Variants in CCDC171 observed in about 807,000 individuals in gnomAD.
The protein encoded by CCDC171 is coiled-coil domain containing 171.
In CCDC171, 177 loss-of-function variants were observed where a neutral mutation model predicts 168.2. The ratio of observed to expected loss-of-function variants is 1.05; its 90% CI spans 0.93 to 1.19. The LOEUF (loss-of-function observed/expected upper bound fraction) is 1.19, where lower values mean the gene tolerates loss of function less well. Ranked by LOEUF, CCDC171 falls within the 50% of genes most tolerant of loss-of-function variation. The pLI is 0.00. For missense variants in CCDC171, 1,991 were observed against 1,539.0 expected, an observed-to-expected ratio of 1.29 and a Z score of -4.91; for synonymous variants, 687 against 540.8, an observed-to-expected ratio of 1.27 and a Z score of -3.75.
At chr9:15,907,970 A>G (rs1183862848) in intron 24 of CCDC171, among the ~76,000 whole-genome samples, 1 of 152,092 alleles carries the variant, frequency 6.6e-6, no homozygotes, top group Non-Finnish European at 1.5e-5. Context: ...ATCTCACACC[A>G]TTTAGAATGG....
intron 23 of CCDC171, among the ~76,000 whole-genome samples, chr9:15,862,474 T>C (rs775554928): frequency 6.6e-6 from 1 of 152,084 alleles, no homozygotes; most frequent in Non-Finnish European, 1.5e-5. Context: ...ATCGATCATT[T>C]TTATGACAGT....
intron 7 of CCDC171, among the ~76,000 whole-genome samples, chr9:15,628,778 C>A (rs1261944238): frequency 6.6e-6 from 1 of 152,192 alleles, no homozygotes; most frequent in Non-Finnish European, 1.5e-5. Context: ...GGGAGGCACC[C>A]CCCAGTAGAG....
chr9:15,835,380 A>G (rs1377068097), intron 21 of CCDC171, among the ~76,000 whole-genome samples: 1 of 152,182 alleles, frequency 6.6e-6, no homozygotes, highest in Admixed American at 6.5e-5. Flanking sequence ...TCCTGTGTCT[A>G]AATTTAAGAT....
intron 23 of CCDC171, among the ~76,000 whole-genome samples, chr9:15,872,403 T>C (rs542138386): frequency 1.1e-4 from 16 of 152,152 alleles, no homozygotes; most frequent in African/African-American, 2.9e-4. Flanking sequence ...ATGTCAAGCT[T>C]CGTGGATGAA....
intron 4 of CCDC171, among the ~76,000 whole-genome samples, chr9:15,590,537 G>A (rs2041899821): frequency 6.6e-6 from 1 of 152,176 alleles, no homozygotes. Context: ...GTTGGTTATT[G>A]TTGAGGTAAT....
intron 10 of CCDC171, among the ~76,000 whole-genome samples, chr9:15,681,774 C>A (rs1044059862): frequency 6.6e-6 from 1 of 152,066 alleles, no homozygotes; most frequent in Non-Finnish European, 1.5e-5. Context: ...GTTCTGCATT[C>A]ACAGTCTGGC....
the CCDC171 span, among the ~76,000 whole-genome samples, chr9:16,075,044 A>C: frequency 7.2e-5 from 11 of 152,200 alleles, no homozygotes; most frequent in South Asian, 4.1e-4. Context: ...TATAATTTCA[A>C]TGATGGTTAC....
intron 23 of CCDC171, among the ~76,000 whole-genome samples, chr9:15,856,844 G>A (rs1316840165): frequency 6.6e-6 from 1 of 151,956 alleles, no homozygotes; most frequent in African/African-American, 2.4e-5. Context: ...ATGGGTTCCA[G>A]TTTCTCCACA....
chr9:16,089,190 C>T, the CCDC171 span, among the ~76,000 whole-genome samples: 1 of 151,958 alleles, frequency 6.6e-6, no homozygotes, highest in Admixed American at 6.5e-5. Flanking sequence ...CCCTTCTTTA[C>T]ATCTTATAAA....
chr9:15,594,484 A>G (rs2042202600), intron 6 of CCDC171, among the ~76,000 whole-genome samples: 1 of 152,200 alleles, frequency 6.6e-6, no homozygotes, highest in African/African-American at 2.4e-5. Flanking sequence ...ACAAAGAAAT[A>G]GAATAATAGG....
Position 15,578,750 on chromosome 9 carries a change from T to C in CCDC171, c.178-99T>C, listed in dbSNP as rs939470968. ...TATAAATTTATAAATTTTTGCCTTG[T>C]ATATATTATGGAAACAAGTTTCTCT... On this transcript the variant is annotated intron_variant, in intron 3 of 25. Coordinates refer to ENST00000380701, the MANE Select transcript of CCDC171 (RefSeq NM_173550.4). The C allele has an allele frequency of 3.4e-6, 3 of 886,712 alleles. No individual in the cohort carries two copies. In the African/African-American group the frequency reaches 5.2e-5, roughly 15 times the overall value. The allele number at this position is 886,712 out of a possible 1,614,324, so 54.9% of individuals were successfully genotyped here.
At chr9:15,570,187 T>C (rs979080810) in intron 2 of CCDC171, among the ~76,000 whole-genome samples, 1 of 152,046 alleles carries the variant, frequency 6.6e-6, no homozygotes, top group African/African-American at 2.4e-5. Context: ...GCCAGGCTGG[T>C]CTTGAACTCC....
chr9:15,627,634 G>C (rs528492367), intron 7 of CCDC171, among the ~76,000 whole-genome samples: 19 of 152,304 alleles, frequency 1.2e-4, no homozygotes, highest in Non-Finnish European at 2.1e-4. Context: ...GGTTTTGAAT[G>C]AGTTTCTTAA....
intron 24 of CCDC171, among the ~76,000 whole-genome samples, chr9:15,896,437 A>C (rs2131574975): frequency 6.6e-6 from 1 of 152,208 alleles, no homozygotes; most frequent in African/African-American, 2.4e-5. Context: ...GCCAGTAAAA[A>C]CTTTGAGTGA....
chr9:15,567,290 G>T (rs1412931439), intron 2 of CCDC171, among the ~76,000 whole-genome samples: 2 of 152,156 alleles, frequency 1.3e-5, no homozygotes, highest in East Asian at 3.8e-4. Context: ...ACAGTGCTGG[G>T]ATTACAGGCG....
At chr9:15,667,256 A>G (rs1242661071) in intron 9 of CCDC171, among the ~76,000 whole-genome samples, 2 of 152,218 alleles carry the variant, frequency 1.3e-5, no homozygotes, top group Admixed American at 1.3e-4. Context: ...ATGATAATAC[A>G]TTGGCATATT....
intron 23 of CCDC171, among the ~76,000 whole-genome samples, chr9:15,863,798 G>GT (rs926467311): frequency 9.2e-5 from 14 of 151,992 alleles, no homozygotes; most frequent in Non-Finnish European, 1.8e-4. Context: ...GGCATACACA[G>GT]TTTTTTGTTG....
chr9:15,977,812 A>G (rs961137621), downstream of CCDC171, among the ~76,000 whole-genome samples: 3 of 152,208 alleles, frequency 2.0e-5, no homozygotes, highest in Non-Finnish European at 4.4e-5. Flanking sequence ...CGATGACAAG[A>G]ATATAAGGTG....
intron 3 of CCDC171, among the ~76,000 whole-genome samples, chr9:16,003,161 T>A (rs1832605077): frequency 6.6e-6 from 1 of 152,162 alleles, no homozygotes; most frequent in African/African-American, 2.4e-5. Flanking sequence ...CATCCCAACT[T>A]CCCACATCCA....
Sources: allele counts gnomAD v4.1 joint callset (sites outside exome capture counted in the v4.1 genomes callset), GRCh38; gene constraint gnomAD v4.1.1; transcripts MANE v1.5; gene names NCBI Gene and HGNC (gene_info 2026-07-23, HGNC 2026-07-21).